Variants in HCRTR2 observed in about 807,000 individuals in gnomAD.
HCRTR2 encodes the protein hypocretin receptor 2.
Under a neutral mutation model 49.0 loss-of-function variants are expected in HCRTR2, and 22 were observed. The observed-to-expected ratio is 0.45, with a 90% confidence interval of 0.32 to 0.64. The LOEUF (loss-of-function observed/expected upper bound fraction) is 0.64. Among genes scored for constraint, HCRTR2 ranks in the 30% least tolerant of loss-of-function variants. The pLI is 0.04. For synonymous variants in HCRTR2, 236 were observed against 205.3 expected, an observed-to-expected ratio of 1.15 and a Z score of -1.28; for missense variants, 491 against 559.4, an observed-to-expected ratio of 0.88 and a Z score of 1.23.
In HCRTR2 at chr6:55,218,543, G is replaced by A. The variant is rs190775844; in HGVS notation, c.224-30096G>A. Among the ~76,000 whole-genome samples the A allele has an allele frequency of 1.8e-4, 27 of 152,230 alleles. 1 individual carries two copies. The East Asian group carries it at 5.0e-3, about 28-fold the overall frequency. On this transcript the variant is annotated intron_variant, in intron 1 of 6. Coordinates refer to ENST00000370862, the MANE Select transcript of HCRTR2 (RefSeq NM_001384272.1). ...CACTCCAAATTTGTAGACACACATAGGATAAAATTAAAAGGATGGAAGAAA... is the reference window on the plus strand; with the variant it reads ...CACTCCAAATTTGTAGACACACATAAGATAAAATTAAAAGGATGGAAGAAA...
chr6:55,181,751 G>A (rs1765137700), intron 1 of HCRTR2, among the ~76,000 whole-genome samples: 1 of 152,166 alleles, frequency 6.6e-6, no homozygotes, highest in Non-Finnish European at 1.5e-5. Context: ...CAAATTTCCT[G>A]TATTTCAAGA....
At chr6:55,112,201 A>G (rs1407507224) in intron 1 of HCRTR2, among the ~76,000 whole-genome samples, 2 of 152,068 alleles carry the variant, frequency 1.3e-5, no homozygotes, top group Non-Finnish European at 2.9e-5. Context: ...TAAATGGGGA[A>G]AAGTTGAAGG....
intron 1 of HCRTR2, among the ~76,000 whole-genome samples, chr6:55,156,164 A>AT (rs1764728122): frequency 6.6e-6 from 1 of 151,766 alleles, no homozygotes; most frequent in Non-Finnish European, 1.5e-5. Context: ...ATATTATTGG[A>AT]ACATGAATGG....
intron 1 of HCRTR2, among the ~76,000 whole-genome samples, chr6:55,107,395 C>T (rs1382241201): frequency 6.6e-6 from 1 of 152,072 alleles, no homozygotes; most frequent in Non-Finnish European, 1.5e-5. Flanking sequence ...ATAATCCATA[C>T]ATTTATGAAT....
intron 1 of HCRTR2, among the ~76,000 whole-genome samples, chr6:55,141,161 C>G (rs1430378327): frequency 3.4e-5 from 5 of 145,400 alleles, no homozygotes; most frequent in Non-Finnish European, 6.0e-5. Flanking sequence ...GGTGAAATCC[C>G]CTCTCTACTA....
chr6:55,174,808 T>G lies in HCRTR2; in HGVS notation c.221T>G (p.Leu74Arg). Residue 74 changes from leucine to arginine, a missense_variant and splice_region_variant, in exon 1 of 7, where the codon CTG becomes CGG. By Grantham distance (102) the Leu-to-Arg change is moderately radical (BLOSUM62 -2). Coordinates refer to ENST00000370862, the MANE Select transcript of HCRTR2 (RefSeq NM_001384272.1). ...VFVVALIGNV[L>R]VCVAVWKNHH... is the part of the protein sequence containing the mutation. ...GTCGTGGCTCTCATTGGGAACGTCC[T>G]GGGTGAGTCTCCTCCCGGGCAGCCC... 6.2e-7 allele frequency: 1 copy of G among 1,613,154 alleles called. No homozygotes were observed. Among genetic ancestry groups the G allele is most frequent in the Non-Finnish European group, 8.5e-7 (1 of 1,179,202 alleles).
At chr6:55,194,164 A>G (rs574857373) in intron 1 of HCRTR2, among the ~76,000 whole-genome samples, 1 of 152,318 alleles carries the variant, frequency 6.6e-6, no homozygotes, top group South Asian at 2.1e-4. Flanking sequence ...GTAGAATCTT[A>G]AAAACCTTAG....
At chr6:55,144,275 G>A (rs2127254545) in intron 1 of HCRTR2, among the ~76,000 whole-genome samples, 1 of 152,046 alleles carries the variant, frequency 6.6e-6, no homozygotes, top group Admixed American at 6.5e-5. Flanking sequence ...ACCACGTCTG[G>A]CTAATTTTGT....
upstream of HCRTR2, chr6:55,174,227 G>A (rs999405176): frequency 1.0e-5 from 2 of 200,972 alleles, no homozygotes; most frequent in Non-Finnish European, 1.0e-5. Flanking sequence ...CTCTCCCTCA[G>A]CGAGGGAGGA....
intron 1 of HCRTR2, among the ~76,000 whole-genome samples, chr6:55,164,884 A>G (rs1764854970): frequency 6.6e-6 from 1 of 152,216 alleles, no homozygotes; most frequent in Non-Finnish European, 1.5e-5. Flanking sequence ...AGAATTCAAA[A>G]TAGCTGTTGT....
intron 4 of HCRTR2, among the ~76,000 whole-genome samples, chr6:55,269,052 T>G (rs1182789005): frequency 8.0e-5 from 11 of 137,312 alleles, no homozygotes; most frequent in African/African-American, 3.1e-4. Flanking sequence ...ATCGTGCCAC[T>G]GCACTCCAGC....
At chr6:55,172,161 G>T (rs1455814082), upstream of HCRTR2, among the ~76,000 whole-genome samples, 1 of 152,166 alleles carries the variant, frequency 6.6e-6, no homozygotes, top group Non-Finnish European at 1.5e-5. Flanking sequence ...AATAGCATTA[G>T]AATTTAAGGT....
At chr6:55,206,605 G>A (rs1765606248) in intron 1 of HCRTR2, among the ~76,000 whole-genome samples, 1 of 151,874 alleles carries the variant, frequency 6.6e-6, no homozygotes, top group Admixed American at 6.6e-5. Flanking sequence ...GATTTGCAAA[G>A]CCAGTAATCT....
intron 1 of HCRTR2, among the ~76,000 whole-genome samples, chr6:55,128,374 C>T (rs1764309921): frequency 6.6e-6 from 1 of 152,090 alleles, no homozygotes; most frequent in Non-Finnish European, 1.5e-5. Flanking sequence ...CAGCTTTGTT[C>T]TTTTTGCTTA....
intron 1 of HCRTR2, among the ~76,000 whole-genome samples, chr6:55,162,040 A>T (rs1764813033): frequency 6.6e-6 from 1 of 152,130 alleles, no homozygotes; most frequent in Admixed American, 6.6e-5. Context: ...CAAAAAAGAA[A>T]ATTTCAGGCT....
chr6:55,227,072 T>C (rs1446779903), intron 1 of HCRTR2, among the ~76,000 whole-genome samples: 6 of 152,150 alleles, frequency 3.9e-5, no homozygotes, highest in African/African-American at 1.4e-4. Context: ...GTAATACATA[T>C]AATTGATATG....
chr6:55,255,833 C>T (rs754593737), intron 3 of HCRTR2, among the ~76,000 whole-genome samples: 21 of 152,186 alleles, frequency 1.4e-4, no homozygotes, highest in Non-Finnish European at 2.6e-4. Flanking sequence ...TCCTGGATCA[C>T]ATGGTCCTGG....
chr6:55,128,339 T>C (rs1764309504), intron 1 of HCRTR2, among the ~76,000 whole-genome samples: 1 of 152,192 alleles, frequency 6.6e-6, no homozygotes, highest in African/African-American at 2.4e-5. Context: ...GTAGTATAGT[T>C]TGAAGTAGGG....
chr6:55,140,068 G>C (rs1213146430), intron 1 of HCRTR2, among the ~76,000 whole-genome samples: 1 of 152,084 alleles, frequency 6.6e-6, no homozygotes, highest in Non-Finnish European at 1.5e-5. Context: ...CATGCATAGT[G>C]GATATTATTC....
Sources: gnomAD v4.1 joint callset for allele counts (sites outside exome capture counted in the v4.1 genomes callset) on GRCh38, gnomAD v4.1.1 for gene constraint, MANE v1.5 for transcripts, NCBI Gene and HGNC (gene_info 2026-07-23, HGNC 2026-07-21) for gene names.